DLD: variants seen among roughly 807,000 people sequenced by gnomAD.
DLD encodes dihydrolipoyl dehydrogenase, mitochondrial.
DLD carries 36 observed loss-of-function variants against 62.2 expected under a neutral mutation model. That is an observed-to-expected ratio of 0.58 (90% CI 0.44 to 0.76). The LOEUF (loss-of-function observed/expected upper bound fraction) is 0.76. DLD is among the 30% of genes least tolerant of loss of function. The pLI is 0.00. For synonymous variants in DLD, 204 were observed against 199.6 expected, an observed-to-expected ratio of 1.02 and a Z score of -0.19; for missense variants, 541 against 608.6, an observed-to-expected ratio of 0.89 and a Z score of 1.17.
At chr7:107,895,712 A>G (rs1038509561) in intron 2 of DLD, among the ~76,000 whole-genome samples, 1 of 152,236 alleles carries the variant, frequency 6.6e-6, no homozygotes. Context: ...CATAGGGAGT[A>G]ATGACATCTA....
At chr7:107,909,596 G>A (rs1403185294) in intron 8 of DLD, among the ~76,000 whole-genome samples, 1 of 152,164 alleles carries the variant, frequency 6.6e-6, no homozygotes, top group African/African-American at 2.4e-5. Context: ...AAACCCTTCA[G>A]AAAGTAAGAG....
chr7:107,908,677 A>C (rs552634863), intron 8 of DLD, among the ~76,000 whole-genome samples: 2,239 of 151,722 alleles, frequency 0.015, 60 homozygotes, highest in African/African-American at 0.051. Flanking sequence ...AAAAAAAAAA[A>C]AAAACCCCAA....
intron 1 of DLD, among the ~76,000 whole-genome samples, chr7:107,892,077 T>A (rs1449222863): frequency 6.6e-6 from 1 of 152,116 alleles, no homozygotes; most frequent in African/African-American, 2.4e-5. Flanking sequence ...GCGGCGGAGG[T>A]GGGACTGAAA....
At chr7:107,893,150 C>G (rs1562909312) in intron 1 of DLD, 50 bp from the exon 2 acceptor site, 1 of 1,492,020 alleles carries the variant, frequency 6.7e-7, no homozygotes, top group Admixed American at 1.7e-5. Context: ...TTCAGTAGTT[C>G]TATGTTTTGA....
At chr7:107,908,025 A>G (rs191339379) in intron 8 of DLD, among the ~76,000 whole-genome samples, 1 of 152,338 alleles carries the variant, frequency 6.6e-6, no homozygotes, top group East Asian at 1.9e-4. Flanking sequence ...TTGCCTTTGA[A>G]ACACTTTGCC....
Position 107,904,811 on chromosome 7 carries a change from A to G in DLD, c.338-147A>G, listed in dbSNP as rs941324323. On this transcript the variant is annotated intron_variant, in intron 5 of 13. Coordinates refer to ENST00000205402, the MANE Select transcript of DLD (RefSeq NM_000108.5). ...ATACAATGATGTTGGCCTTTTGTCA[A>G]CTATAATTATAAGTTATTACATTTT... 1.2e-5 allele frequency: 8 copies of G among 692,724 alleles called. 1 individual carries two copies. The highest frequency in any genetic ancestry group is 8.1e-5 in the Admixed American group (4 of 49,458). The allele number at this position is 692,724 out of a possible 1,614,324, so 42.9% of individuals were successfully genotyped here.
Position 107,915,383 on chromosome 7 carries a change from A to T in DLD, c.685-123A>T. The T allele has an allele frequency of 3.0e-6, 3 of 990,622 alleles. No individual in the cohort carries two copies. The Admixed American group carries it at 6.6e-5, about 22-fold the overall frequency. 61.4% of individuals were successfully genotyped at this position (990,622 alleles called of 1,614,324 possible). A position where few individuals can be genotyped will look rare whatever the true frequency, so the allele number is the denominator to read the frequency against. On this transcript the variant is annotated intron_variant, in intron 8 of 13. Coordinates refer to ENST00000205402, the MANE Select transcript of DLD (RefSeq NM_000108.5). ...ACACAGGGTCAATTTTAAACCTCGGAGCTTCTCATAGGAACATACTAGCGA... is the reference window on the plus strand; with the variant it reads ...ACACAGGGTCAATTTTAAACCTCGGTGCTTCTCATAGGAACATACTAGCGA...
intron 2 of DLD, 55 bp from the exon 3 acceptor site, chr7:107,901,683 T>C: frequency 6.8e-7 from 1 of 1,463,496 alleles, no homozygotes; most frequent in South Asian, 1.1e-5. Context: ...CAAAGAGCTC[T>C]TTTTGGTAAA....
intron 5 of DLD, chr7:107,903,760 A>G (rs2031935848): frequency 2.3e-6 from 1 of 439,982 alleles, no homozygotes; most frequent in African/African-American, 2.0e-5. Flanking sequence ...AACCCTGCAA[A>G]TCCAGATTTC....
Position 107,905,065 on chromosome 7 carries a change from G to A in DLD, c.438+7G>A, listed in dbSNP as rs1179275852. ...CTTATTCAAACAGAATAAGGTCAGT[G>A]TTTAATATTCAGATTTCTGCTTTAC... On this transcript the variant is annotated splice_region_variant and intron_variant, in intron 6 of 13. Coordinates refer to ENST00000205402, the MANE Select transcript of DLD (RefSeq NM_000108.5). 6.3e-7 allele frequency: 1 copy of A among 1,581,284 alleles called. No homozygotes were observed. The highest frequency in any genetic ancestry group is 1.7e-5 in the Admixed American group (1 of 59,914).
chr7:107,891,156 G>A (rs1030255591), upstream of DLD: 1 of 1,483,396 alleles, frequency 6.7e-7, no homozygotes, highest in Non-Finnish European at 9.4e-7. Context: ...CGTAGGCTGC[G>A]CCTGTGCATG....
chr7:107,906,703 C>T (rs939712865), intron 8 of DLD, among the ~76,000 whole-genome samples: 1 of 152,148 alleles, frequency 6.6e-6, no homozygotes, highest in Non-Finnish European at 1.5e-5. Context: ...AAAGATTATT[C>T]TCTTTACCAT....
In DLD at chr7:107,905,504, G is replaced by A. The variant is rs1584464900; in HGVS notation, c.582G>A (p.Thr194=). ...AAGTTACTCCTTTTCCTGGAATCACGGTATTTATGCTTCATAATTTACAAC... is the reference window on the plus strand; with the variant it reads ...AAGTTACTCCTTTTCCTGGAATCACAGTATTTATGCTTCATAATTTACAAC... ...GSEVTPFPGI[T]IDEDTIVSST... Residue 194 remains threonine, a splice_region_variant and synonymous_variant, in exon 7 of 14, where the codon ACG becomes ACA. Transcript: ENST00000205402. 1 of 1,613,268 alleles carries A rather than the reference G, an allele frequency of 6.2e-7. No homozygotes were observed.
rs1478618859 is a variant in DLD, at chr7:107,920,526, C to A, written c.*1267C>A. 1.3e-5 allele frequency: 2 copies of A among 152,248 alleles called. No individual in the cohort carries two copies. Among genetic ancestry groups the A allele is most frequent in the Non-Finnish European group, 2.9e-5 (2 of 68,058 alleles). The allele number at this position is 152,248 out of a possible 1,614,324, so 9.4% of individuals were successfully genotyped here. A position where few individuals can be genotyped will look rare whatever the true frequency, so the allele number is the denominator to read the frequency against. ...ACTCTGTCTTGTTTGTAGGTGGCAG[C>A]AGCTGAAATCTCTTCTCAGTTGTTT... On this transcript the variant is annotated 3_prime_UTR_variant, in exon 14 of 14. Coordinates refer to ENST00000205402, the MANE Select transcript of DLD (RefSeq NM_000108.5).
intron 8 of DLD, among the ~76,000 whole-genome samples, chr7:107,909,324 A>T (rs1209798704): frequency 2.0e-5 from 3 of 152,172 alleles, no homozygotes. Context: ...TGGAAGTATG[A>T]CAATTAAGGC....
intron 5 of DLD, 77 bp from the exon 6 acceptor site, chr7:107,904,881 C>T (rs1424918787): frequency 9.7e-7 from 1 of 1,027,690 alleles, no homozygotes; most frequent in Non-Finnish European, 1.5e-6. Flanking sequence ...TGAAATTTTC[C>T]AGTTGGTGAG....
chr7:107,917,560 A>C, intron 11 of DLD, 98 bp downstream of exon 11: 4 of 1,153,568 alleles, frequency 3.5e-6, no homozygotes, highest in Non-Finnish European at 3.9e-6. Context: ...TAATATATTT[A>C]ACAGCTGTGA....
intron 8 of DLD, among the ~76,000 whole-genome samples, chr7:107,912,499 G>A (rs767234081): frequency 6.6e-6 from 1 of 151,892 alleles, no homozygotes; most frequent in Non-Finnish European, 1.5e-5. Context: ...TTGTTATTGC[G>A]ATCTTTTTGA....
At chr7:107,917,035 AT>A (rs2116270747) in intron 10 of DLD, 71 bp downstream of exon 10, 1 of 1,482,748 alleles carries the variant, frequency 6.7e-7, no homozygotes, top group Non-Finnish European at 9.3e-7. Flanking sequence ...GAAAAGTAAG[AT>A]TTTTATGCTT....
Sources: gnomAD v4.1 joint callset for allele counts (sites outside exome capture counted in the v4.1 genomes callset) on GRCh38, gnomAD v4.1.1 for gene constraint, MANE v1.5 for transcripts, NCBI Gene and HGNC (gene_info 2026-07-23, HGNC 2026-07-21) for gene names.